The following POLQ variants were observed in gnomAD, a reference collection of about 807,000 sequenced individuals.
POLQ encodes the protein DNA polymerase theta, also known as epididymis secretory sperm binding protein.
A neutral mutation model predicts 259.2 loss-of-function variants in POLQ; 233 were observed. The ratio of observed to expected loss-of-function variants is 0.90; its 90% CI spans 0.81 to 1.00. The LOEUF (loss-of-function observed/expected upper bound fraction) is 1.00. Among genes scored for constraint, POLQ ranks in the 50% least tolerant of loss-of-function variants. The probability of loss-of-function intolerance (pLI) is 0.00; values close to 1 mark genes in which losing one functional copy is unlikely to be tolerated. For missense variants in POLQ, 2,871 were observed against 3,051.6 expected (o/e 0.94, Z 1.39); for synonymous variants, 1,025 against 1,048.8 (o/e 0.98, Z 0.44).
intron 1 of POLQ, among the ~76,000 whole-genome samples, chr3:121,545,259 G>A (rs186358637): frequency 1.0e-3 from 154 of 152,176 alleles, no homozygotes; most frequent in Non-Finnish European, 1.3e-3. Context: ...GTTCCATGAC[G>A]ACTGCACAAC....
rs543111469 is a variant in POLQ, at chr3:121,496,321, G to A, written c.2278+487C>T. ...CTCCCCAGTAGCTGGGATTATAAGC[G>A]CCCACCGCCACACCTGGCTAATTTT... On this transcript the variant is annotated intron_variant, in intron 14 of 29. Coordinates refer to ENST00000264233, the MANE Select transcript of POLQ (RefSeq NM_199420.4). Among the ~76,000 whole-genome samples the A allele has an allele frequency of 4.0e-5, 6 of 151,696 alleles. No homozygotes were observed. The South Asian group carries it at 1.3e-3, about 32-fold the overall frequency.
rs747918701 is a variant in POLQ at position 121,493,643 on chromosome 3, G to C, written c.2357C>G (p.Thr786Arg). 1.2e-5 allele frequency: 19 copies of C among 1,613,924 alleles called. No homozygotes were observed. The South Asian group carries it at 1.9e-4, about 16-fold the overall frequency. The change falls in exon 15 of 30, where the codon ACG (threonine) becomes AGG (arginine). Residue 786 changes from threonine to arginine, a missense_variant. Transcript: ENST00000264233. ...LLLSQFQKRL[T>R]FGIQRELCDL... ...ACACAGCTCCCTCTGGATGCCAAACGTAAGACGCTTCTGAAATTGGGAAAG... is the reference window on the plus strand; with the variant it reads ...ACACAGCTCCCTCTGGATGCCAAACCTAAGACGCTTCTGAAATTGGGAAAG...
At chr3:121,522,856 C>G (rs970220011) in intron 7 of POLQ, among the ~76,000 whole-genome samples, 1 of 152,192 alleles carries the variant, frequency 6.6e-6, no homozygotes, top group Non-Finnish European at 1.5e-5. Flanking sequence ...AAAACCCTTG[C>G]TCAAGGTGTG....
At chr3:121,467,867 C>T (rs945974281) in intron 23 of POLQ, among the ~76,000 whole-genome samples, 1 of 152,050 alleles carries the variant, frequency 6.6e-6, no homozygotes, top group Admixed American at 6.6e-5. Flanking sequence ...AAAGTGAGAC[C>T]CTTGTCTCTA....
intron 6 of POLQ, among the ~76,000 whole-genome samples, chr3:121,530,910 C>T (rs1576428045): frequency 6.6e-6 from 1 of 152,100 alleles, no homozygotes; most frequent in Non-Finnish European, 1.5e-5. Context: ...AAGTAAAATA[C>T]ATAAGGGACA....
At chr3:121,478,738 A>G (rs954710841) in intron 19 of POLQ, among the ~76,000 whole-genome samples, 6 of 152,184 alleles carry the variant, frequency 3.9e-5, no homozygotes, top group African/African-American at 7.2e-5. Context: ...ATATTCATAT[A>G]AGAAAACAGA....
chr3:121,452,269 C>T lies in POLQ; in HGVS notation c.7153-2843G>A, dbSNP rs146479935. On this transcript the variant is annotated intron_variant, in intron 25 of 29. Transcript: ENST00000264233. ...TGATGCCTCGCCCTGCTTCGGCTCA[C>T]GCTCGGTGGGCTGCACCCACTGTCC... Among the ~76,000 whole-genome samples, 191 of 152,216 alleles carry T rather than the reference C, an allele frequency of 1.3e-3. 1 individual carries two copies. The highest frequency in any genetic ancestry group is 3.8e-3 in the African/African-American group (156 of 41,534).
chr3:121,496,791 C>G lies in POLQ; in HGVS notation c.2278+17G>C. 2.5e-6 allele frequency: 4 copies of G among 1,594,252 alleles called. No individual in the cohort carries two copies. The highest frequency in any genetic ancestry group is 3.4e-6 in the Non-Finnish European group (4 of 1,174,994). The stretch of plus-strand genomic sequence containing the variant: ...ATCACAGTATTAAATAAATGTGAAA[C>G]CCTTTGTTTAACTGACCTGCATAAA... On this transcript the variant is annotated intron_variant, in intron 14 of 29. Coordinates refer to ENST00000264233, the MANE Select transcript of POLQ (RefSeq NM_199420.4).
chr3:121,489,382 A>G lies in POLQ; in HGVS notation c.3549T>C (p.Tyr1183=), dbSNP rs1441294294. The change falls in exon 16 of 30, where the codon TAT becomes TAC. Residue 1183 remains tyrosine, a synonymous_variant. Coordinates refer to ENST00000264233, the MANE Select transcript of POLQ (RefSeq NM_199420.4). ...TTGGATGGATGTCATGGTGTTTCATATAAACATTCTGGTTTTTTGAACCAT... is the reference window on the plus strand; with the variant it reads ...TTGGATGGATGTCATGGTGTTTCATGTAAACATTCTGGTTTTTTGAACCAT... ...IQNGSKNQNV[Y]MKHHDIHPIN... The G allele has an allele frequency of 5.0e-6, 8 of 1,613,366 alleles. No individual in the cohort carries two copies. In the East Asian group the frequency reaches 1.6e-4, roughly 31 times the overall value.
Position 121,476,734 on chromosome 3 carries a change from C to G in POLQ, c.6212-1G>C, listed in dbSNP as rs1279932077. 6.3e-7 allele frequency: 1 copy of G among 1,595,148 alleles called. No individual in the cohort carries two copies. The highest frequency in any genetic ancestry group is 8.5e-7 in the Non-Finnish European group (1 of 1,172,396). On this transcript the variant is annotated splice_acceptor_variant, in intron 19 of 29. Transcript: ENST00000264233. LOFTEE classifies it high-confidence loss of function. ...GGCATTTCCACCTTACGGAAAACAT[C>G]TGGAAGAAAAAAGAAAATTAAAACG...
intron 12 of POLQ, among the ~76,000 whole-genome samples, chr3:121,507,146 G>T: frequency 6.6e-6 from 1 of 152,160 alleles, no homozygotes; most frequent in East Asian, 1.9e-4. Flanking sequence ...GGAAGGGATG[G>T]ATATAGGAGT....
intron 17 of POLQ, among the ~76,000 whole-genome samples, chr3:121,484,181 G>C (rs894415936): frequency 6.6e-6 from 1 of 152,036 alleles, no homozygotes; most frequent in Non-Finnish European, 1.5e-5. Flanking sequence ...ACACTATACA[G>C]CATCCTTTAA....
intron 16 of POLQ, among the ~76,000 whole-genome samples, chr3:121,486,236 G>A (rs2048009628): frequency 6.6e-6 from 1 of 152,164 alleles, no homozygotes; most frequent in Admixed American, 6.5e-5. Context: ...AAGCAAACAA[G>A]GATATTACAA....
intron 25 of POLQ, among the ~76,000 whole-genome samples, chr3:121,453,651 T>C (rs919676606): frequency 2.0e-5 from 3 of 151,932 alleles, no homozygotes; most frequent in Admixed American, 6.5e-5. Context: ...TGATGGAAGA[T>C]GAAATGAAGC....
At chr3:121,483,254 A>G (rs2047984321) in intron 18 of POLQ, 132 bp downstream of exon 18, 1 of 467,000 alleles carries the variant, frequency 2.1e-6, no homozygotes, top group South Asian at 6.0e-5. Flanking sequence ...AGATGAGATT[A>G]TTGAATAAAG....
chr3:121,432,937 G>A lies in POLQ; in HGVS notation c.7640C>T (p.Ala2547Val), dbSNP rs2306211. ...QLHDELLYEV[A>V]EEDVVQVAQI... ...AAATACCTGAACAACATCTTCTTCT[G>A]CCACTTCATATAGGAGTTCATCATG... Residue 2547 changes from alanine (A) to valine (V), a missense_variant, in exon 29 of 30, where the codon GCA becomes GTA. Physicochemically the swap from Ala to Val is moderately conservative, Grantham distance 64. Transcript: ENST00000264233. 33,141 of 1,591,654 alleles carry A rather than the reference G, an allele frequency of 0.021. 653 individuals are homozygous for A. The highest frequency in any genetic ancestry group is 0.077 in the East Asian group (3,424 of 44,756).
chr3:121,454,521 T>C (rs2047713407), intron 25 of POLQ, among the ~76,000 whole-genome samples: 1 of 151,802 alleles, frequency 6.6e-6, no homozygotes, highest in African/African-American at 2.4e-5. Context: ...AGGCTCAAAA[T>C]AAAAGGATGG....
chr3:121,468,956 G>A (rs1358161484), intron 22 of POLQ, among the ~76,000 whole-genome samples: 2 of 152,058 alleles, frequency 1.3e-5, no homozygotes, highest in African/African-American at 2.4e-5. Context: ...ATTTTCCAGT[G>A]AACAGAAAGC....
chr3:121,512,327 T>C (rs888540821), intron 9 of POLQ, among the ~76,000 whole-genome samples: 3 of 152,182 alleles, frequency 2.0e-5, no homozygotes, highest in African/African-American at 7.2e-5. Context: ...AATAAATTTT[T>C]CCCTTTGTGA....
Sources: allele counts gnomAD v4.1 joint callset (sites outside exome capture counted in the v4.1 genomes callset), GRCh38; gene constraint gnomAD v4.1.1; transcripts MANE v1.5; gene names NCBI Gene and HGNC (gene_info 2026-07-23, HGNC 2026-07-21).